The following WDR75 variants were observed in gnomAD, a reference collection of about 807,000 sequenced individuals.
WDR75 encodes WD repeat domain 75.
Under a neutral mutation model 106.1 loss-of-function variants are expected in WDR75, and 52 were observed. The ratio of observed to expected loss-of-function variants is 0.49; its 90% confidence interval spans 0.39 to 0.62. WDR75 has a LOEUF of 0.62. Ranked by LOEUF, WDR75 falls within the 20% of genes least tolerant of loss-of-function variation. The probability of loss-of-function intolerance (pLI) is 0.00; values close to 1 mark genes in which losing one functional copy is unlikely to be tolerated. For synonymous variants in WDR75, 333 were observed against 335.5 expected (o/e 0.99, Z 0.08); for missense variants, 905 against 970.3 (o/e 0.93, Z 0.89).
chr2:189,463,628 G>A, intron 9 of WDR75, 66 bp from the exon 10 acceptor site: 3 of 1,538,796 alleles, frequency 1.9e-6, no homozygotes, highest in Non-Finnish European at 2.7e-6. Context: ...GCCACCCTGA[G>A]CCACAGGTTG....
chr2:189,470,835 G>A lies in WDR75; in HGVS notation c.2006G>A (p.Ser669Asn), dbSNP rs2105574043. The A allele has an allele frequency of 3.1e-6, 5 of 1,592,750 alleles. No homozygotes were observed. The highest frequency in any genetic ancestry group is 3.4e-6 in the Non-Finnish European group (4 of 1,171,002). ...LTKSQSLLTF[S>N]TKSPEEKLTP... ...TCTTTTCAGAGTTTATTGACATTCA[G>A]TACAAAGTCTCCAGAAGAAAAACTC... Residue 669 changes from serine to asparagine, a missense_variant, in exon 18 of 21, where the codon AGT becomes AAT. Ser to Asn is a conservative substitution (Grantham distance 46). Coordinates refer to ENST00000314761, the MANE Select transcript of WDR75 (RefSeq NM_032168.3).
Position 189,458,871 on chromosome 2 carries a change from T to G in WDR75, c.688T>G (p.Trp230Gly). The G allele has an allele frequency of 1.2e-6, 2 of 1,600,886 alleles. No homozygotes were observed. Among genetic ancestry groups the G allele is most frequent in the Non-Finnish European group, 1.7e-6 (2 of 1,174,674 alleles). Residue 230 changes from tryptophan to glycine, a missense_variant and splice_region_variant, in exon 7 of 21, where the codon TGG (tryptophan) becomes GGG (glycine). Transcript: ENST00000314761. Reference sequence around the variant, plus strand: ...TCACATGGATGGCAAAATTCGTCTTTGGTCAGTTTGCTCATGAAGAGCATG... The same window carrying G: ...TCACATGGATGGCAAAATTCGTCTTGGGTCAGTTTGCTCATGAAGAGCATG... ...SGHMDGKIRL[W>G]RNFYDDKKYT...
chr2:189,462,417 A>G (rs1464977148), intron 8 of WDR75, 67 bp from the exon 9 acceptor site: 2 of 1,559,504 alleles, frequency 1.3e-6, no homozygotes, highest in African/African-American at 1.4e-5. Context: ...AAAAGTGTTA[A>G]TTATATTTTT....
intron 1 of WDR75, among the ~76,000 whole-genome samples, chr2:189,442,281 G>A (rs1269022428): frequency 6.6e-6 from 1 of 151,952 alleles, no homozygotes; most frequent in Non-Finnish European, 1.5e-5. Context: ...ACAATGCCCG[G>A]CACATAATGG....
rs778142269 is a variant in WDR75 at position 189,470,871 on chromosome 2, G to A, written c.2042G>A (p.Ser681Asn). The change falls in exon 18 of 21, where the codon AGC (serine) becomes AAC (asparagine). Residue 681 changes from serine (S) to asparagine (N), a missense_variant. By Grantham distance (46) the Ser-to-Asn change is conservative. Coordinates refer to ENST00000314761, the MANE Select transcript of WDR75 (RefSeq NM_032168.3). The stretch of plus-strand genomic sequence containing the variant: ...CCAGAAGAAAAACTCACACCAACAA[G>A]CAAACAGGTATGTTTTAGCCATTCA... ...KSPEEKLTPT[S>N]KQLLAEESLP... 7.5e-6 allele frequency: 12 copies of A among 1,601,226 alleles called. No homozygotes were observed. The Admixed American group carries it at 8.8e-5, about 12-fold the overall frequency.
chr2:189,455,323 T>C lies in WDR75; in HGVS notation c.377T>C (p.Ile126Thr), dbSNP rs761737312. The change falls in exon 5 of 21, where the codon ATA becomes ACA. Residue 126 changes from isoleucine to threonine, a missense_variant. Transcript: ENST00000314761. ...FVIVNKEKPD[I>T]FQLVSVKLPK... ...TAATATAGCTTTCTTTGGCTAGATA[T>C]ATTTCAGCTGGTTTCAGTGAAACTG... 3.1e-6 allele frequency: 5 copies of C among 1,613,772 alleles called. No individual in the cohort carries two copies. The highest frequency in any genetic ancestry group is 2.7e-5 in the African/African-American group (2 of 74,894).
rs1686959237 is a variant in WDR75 at position 189,464,370 on chromosome 2, TTCCAATCCTGATAAG to T, written c.1113+418_1113+432del. 1.3e-5 allele frequency among the ~76,000 whole-genome samples: 2 copies of T among 152,142 alleles called. 1 individual carries two copies. Among genetic ancestry groups the T allele is most frequent in the African/African-American group, 4.8e-5 (2 of 41,448 alleles). Reference sequence around the variant, plus strand: ...AGTGTAGATTAAAGAGGAACACTTCTTCCAATCCTGATAAGTCCAATCCAGATGTCCCACTTTTCT... The same window carrying T: ...AGTGTAGATTAAAGAGGAACACTTCTTCCAATCCAGATGTCCCACTTTTCT... On this transcript the variant is annotated intron_variant, in intron 11 of 20. Coordinates refer to ENST00000314761, the MANE Select transcript of WDR75 (RefSeq NM_032168.3).
At chr2:189,451,776 T>G in intron 3 of WDR75, 29 bp from the exon 4 acceptor site, 1 of 1,591,370 alleles carries the variant, frequency 6.3e-7, no homozygotes, top group Non-Finnish European at 8.6e-7. Context: ...GAACAGACAG[T>G]AAACACTATG....
intron 8 of WDR75, 125 bp downstream of exon 8, chr2:189,459,549 G>T: frequency 1.1e-6 from 1 of 886,484 alleles, no homozygotes; most frequent in Non-Finnish European, 1.8e-6. Flanking sequence ...ACACTTGTGT[G>T]TTACCCCTGT....
Position 189,441,869 on chromosome 2 carries a change from AG to A in WDR75, c.86+295del. ...TGTTCGGGCGGCTGGAAAATGGTCC[AG>A]GGGTGGATGTGTATGCCACTACCTT... On this transcript the variant is annotated intron_variant, in intron 1 of 20. Coordinates refer to ENST00000314761, the MANE Select transcript of WDR75 (RefSeq NM_032168.3). Among the ~76,000 whole-genome samples the A allele has an allele frequency of 2.0e-5, 3 of 152,274 alleles. No homozygotes were observed. In the South Asian group the frequency reaches 6.2e-4, roughly 32 times the overall value.
intron 11 of WDR75, 131 bp from the exon 12 acceptor site, chr2:189,464,948 A>G: frequency 1.6e-6 from 1 of 627,424 alleles, no homozygotes. Context: ...TTTTGCCTTT[A>G]TTTAAAAATC....
rs1364729376 is a variant in WDR75, at chr2:189,474,302, C to T, written c.2166C>T (p.Pro722=). Residue 722 remains proline (P), a synonymous_variant, in exon 19 of 21, where the codon CCC becomes CCT. Transcript: ENST00000314761. ...ETLENELVQL[P]LTENIPAISE... ...TAGAGAATGAGCTGGTACAACTACC[C>T]TTAACAGAAAACATACCCGCAATTA... 2.5e-6 allele frequency: 4 copies of T among 1,612,540 alleles called. No individual in the cohort carries two copies. The highest frequency in any genetic ancestry group is 3.4e-6 in the Non-Finnish European group (4 of 1,179,494).
At chr2:189,470,738 C>T (rs1316854307) in intron 17 of WDR75, 81 bp from the exon 18 acceptor site, 1 of 1,066,668 alleles carries the variant, frequency 9.4e-7, no homozygotes, top group Admixed American at 3.4e-5. Flanking sequence ...TTGACCTTCT[C>T]ATTTTTTAAC....
chr2:189,468,443 C>T, intron 14 of WDR75, 32 bp from the exon 15 acceptor site: 1 of 1,604,602 alleles, frequency 6.2e-7, no homozygotes. Flanking sequence ...CTAGAACTGA[C>T]TGTTGCTAAC....
intron 13 of WDR75, among the ~76,000 whole-genome samples, chr2:189,467,238 CAAT>C (rs1348635457): frequency 6.6e-6 from 1 of 151,562 alleles, no homozygotes; most frequent in Non-Finnish European, 1.5e-5. Flanking sequence ...AGAATGATTA[CAAT>C]AATATACTGT....
intron 2 of WDR75, chr2:189,449,119 A>AT: frequency 1.7e-6 from 1 of 595,860 alleles, no homozygotes; most frequent in Non-Finnish European, 2.6e-6. Flanking sequence ...CTTTCTTAGT[A>AT]TTTAAGAATA....
chr2:189,445,501 G>A (rs1463905433), intron 1 of WDR75, among the ~76,000 whole-genome samples: 1 of 152,170 alleles, frequency 6.6e-6, no homozygotes, highest in Admixed American at 6.5e-5. Flanking sequence ...TCTTAAAGCA[G>A]TAGTCAAGAG....
rs1348264985 is a variant in WDR75 at position 189,455,349 on chromosome 2, C to T, written c.403C>T (p.Pro135Ser). ...DIFQLVSVKL[P>S]KSSSQEVEAK... ...ATTTCAGCTGGTTTCAGTGAAACTG[C>T]CAAAATCCTCAAGCCAGGAAGTAGA... The change falls in exon 5 of 21, where the codon CCA becomes TCA. Residue 135 changes from proline to serine, a missense_variant. Coordinates refer to ENST00000314761, the MANE Select transcript of WDR75 (RefSeq NM_032168.3). 2.5e-6 allele frequency: 4 copies of T among 1,614,028 alleles called. No individual in the cohort carries two copies. Among genetic ancestry groups the T allele is most frequent in the Non-Finnish European group, 3.4e-6 (4 of 1,179,968 alleles).
At position 189,463,826 on chromosome 2, in the gene WDR75, ATT is replaced by A; in HGVS notation, c.998-18_998-17del. 2 of 1,613,504 alleles carry A rather than the reference ATT, an allele frequency of 1.2e-6. No individual in the cohort carries two copies. The highest frequency in any genetic ancestry group is 8.5e-7 in the Non-Finnish European group (1 of 1,179,568). On this transcript the variant is annotated intron_variant, in intron 10 of 20. Coordinates refer to ENST00000314761, the MANE Select transcript of WDR75 (RefSeq NM_032168.3). Reference sequence around the variant, plus strand: ...GCATATTTCTCTTATTTCACCTGTTATTTGTCACCACTTCTGCAGATAGGAGT... The same window carrying A: ...GCATATTTCTCTTATTTCACCTGTTATGTCACCACTTCTGCAGATAGGAGT...
Sources: allele counts gnomAD v4.1 joint callset (sites outside exome capture counted in the v4.1 genomes callset), GRCh38; gene constraint gnomAD v4.1.1; transcripts MANE v1.5; gene names NCBI Gene and HGNC (gene_info 2026-07-23, HGNC 2026-07-21).